The following RP1 variants were observed in gnomAD, a reference collection of about 807,000 sequenced individuals.
The protein encoded by RP1 is RP1 axonemal microtubule associated, also known as oxygen-regulated protein 1.
RP1 carries 16 observed loss-of-function variants against 14.8 expected under a neutral mutation model. The observed-to-expected ratio is 1.08, with a 90% CI of 0.73 to 1.65. The LOEUF is 1.65. RP1 is among the 40% of genes most tolerant of loss of function. The pLI is 0.00. For synonymous variants in RP1, 876 were observed against 883.6 expected (o/e 0.99, Z 0.15); for missense variants, 2,631 against 2,535.0 (o/e 1.04, Z -0.81).
chr8:54,629,812 G>C lies in RP1; in HGVS notation c.5930G>C (p.Arg1977Thr). 3.1e-6 allele frequency: 5 copies of C among 1,612,510 alleles called. No individual in the cohort carries two copies. The highest frequency in any genetic ancestry group is 3.4e-6 in the Non-Finnish European group (4 of 1,179,412). The change falls in exon 4 of 4, where the codon AGA becomes ACA. Residue 1977 changes from arginine (R) to threonine (T), a missense_variant. Arg to Thr is a moderately conservative substitution (Grantham distance 71). Transcript: ENST00000220676. The part of the protein sequence containing the change: ...FREENNKASM[R>T]QNLIDNAIGD... The stretch of plus-strand genomic sequence containing the variant: ...GAAGAGAACAATAAAGCAAGTATGA[G>C]ACAAAATCTTATTGATAATGCCATT...
intron 12 of RP1, among the ~76,000 whole-genome samples, chr8:54,691,074 T>C (rs1346409432): frequency 6.6e-6 from 1 of 152,038 alleles, no homozygotes; most frequent in African/African-American, 2.4e-5. Context: ...GTTTGAGAGA[T>C]AGCCACGAAT....
intron 15 of RP1, among the ~76,000 whole-genome samples, chr8:54,710,544 C>T (rs1447779439): frequency 6.6e-6 from 1 of 152,198 alleles, no homozygotes; most frequent in South Asian, 2.1e-4. Flanking sequence ...TTTTGGCTAC[C>T]CGCACTTGGT....
rs117525475 is a variant in RP1 at position 54,859,467 on chromosome 8, G to A, written c.4069+2361G>A. On this transcript the variant is annotated intron_variant, in intron 27 of 28. Transcript: ENST00000637698. ...ACTGTAGGGTGGTGTCACTGTAGCA[G>A]TGTCACTGTGGAGCGTTGTCACTAT... Among the ~76,000 whole-genome samples the A allele has an allele frequency of 2.2e-3, 339 of 151,936 alleles. 8 individuals are homozygous for A. In the East Asian group the frequency reaches 0.053, roughly 24 times the overall value.
downstream of RP1, among the ~76,000 whole-genome samples, chr8:54,632,073 C>T (rs757537546): frequency 5.3e-5 from 8 of 151,948 alleles, no homozygotes; most frequent in Admixed American, 1.3e-4. Context: ...AACTTCCGAC[C>T]TCAGGTGATC....
intron 20 of RP1, chr8:54,754,946 A>C (rs1294781916): frequency 2.0e-6 from 3 of 1,517,778 alleles, no homozygotes; most frequent in Non-Finnish European, 1.8e-6. Context: ...GTGTGTTTTT[A>C]ATCTTCAGTA....
At chr8:54,559,633 T>A (rs1031683802) in intron 1 of RP1, among the ~76,000 whole-genome samples, 7 of 152,190 alleles carry the variant, frequency 4.6e-5, no homozygotes, top group African/African-American at 1.7e-4. Flanking sequence ...TCACGGCCTG[T>A]ACACGTGGGC....
Position 54,626,376 on chromosome 8 carries a change from G to T in RP1, c.2494G>T (p.Asp832Tyr), listed in dbSNP as rs371471873. ...TAACATCCTTGAGCAAAAACCCAAAGATTTTTATGCACCGCAATCTCAAGC... is the reference window on the plus strand; with the variant it reads ...TAACATCCTTGAGCAAAAACCCAAATATTTTTATGCACCGCAATCTCAAGC... ...VFNILEQKPKDFYAPQSQAEV... is the reference protein window; with the variant it reads ...VFNILEQKPKYFYAPQSQAEV... The change falls in exon 4 of 4, where the codon GAT (aspartate) becomes TAT (tyrosine). Residue 832 changes from aspartate (D) to tyrosine (Y), a missense_variant. Asp to Tyr is a radical substitution (Grantham distance 160). Coordinates refer to ENST00000220676, the MANE Select transcript of RP1 (RefSeq NM_006269.2). The T allele has an allele frequency of 3.1e-6, 5 of 1,613,370 alleles. No homozygotes were observed. The African/African-American group carries it at 4.0e-5, about 13-fold the overall frequency.
At chr8:54,698,235 A>G (rs1807919237) in intron 12 of RP1, among the ~76,000 whole-genome samples, 1 of 152,264 alleles carries the variant, frequency 6.6e-6, no homozygotes, top group African/African-American at 2.4e-5. Flanking sequence ...AAGGATATGA[A>G]CAAACACTTC....
chr8:54,631,065 T>C (rs1806238238), downstream of RP1, among the ~76,000 whole-genome samples: 1 of 152,190 alleles, frequency 6.6e-6, no homozygotes. Flanking sequence ...AATCTATGCC[T>C]CTTGTCTACA....
At chr8:54,769,913 C>A in exon 23 of RP1, 3 of 675,836 alleles carry the variant, frequency 4.4e-6, no homozygotes, top group Non-Finnish European at 7.2e-6. Context: ...TGATATTTAT[C>A]TTTTATTATT....
chr8:54,595,750 C>G (rs917610127), intron 1 of RP1, among the ~76,000 whole-genome samples: 2 of 152,196 alleles, frequency 1.3e-5, no homozygotes, highest in Admixed American at 6.5e-5. Context: ...ATTGACTTGT[C>G]TCTCAAACTT....
At chr8:54,785,524 T>C (rs991184904) in intron 24 of RP1, among the ~76,000 whole-genome samples, 1 of 151,930 alleles carries the variant, frequency 6.6e-6, no homozygotes, top group African/African-American at 2.4e-5. Context: ...TCACTATGTA[T>C]GTATCATTTC....
intron 26 of RP1, among the ~76,000 whole-genome samples, chr8:54,854,293 C>A (rs1167264226): frequency 2.0e-5 from 3 of 152,044 alleles, no homozygotes; most frequent in Non-Finnish European, 4.4e-5. Context: ...TCAATTTGTA[C>A]AAAGAAAGTC....
intron 25 of RP1, among the ~76,000 whole-genome samples, chr8:54,838,848 G>A (rs1811727552): frequency 6.6e-6 from 1 of 152,182 alleles, no homozygotes; most frequent in African/African-American, 2.4e-5. Flanking sequence ...GTGATTGGCT[G>A]TGTCATGCAA....
intron 1 of RP1, among the ~76,000 whole-genome samples, chr8:54,604,688 A>T (rs1805384221): frequency 6.6e-6 from 1 of 152,126 alleles, no homozygotes; most frequent in Non-Finnish European, 1.5e-5. Context: ...TTGGTTGATA[A>T]GCTATTAATT....
At chr8:54,610,763 C>T (rs990766737) in intron 1 of RP1, among the ~76,000 whole-genome samples, 1 of 152,178 alleles carries the variant, frequency 6.6e-6, no homozygotes, top group African/African-American at 2.4e-5. Flanking sequence ...GCTGTCACAT[C>T]CACAGCAGCT....
At chr8:54,847,938 C>T (rs1164860080) in intron 25 of RP1, among the ~76,000 whole-genome samples, 1 of 152,082 alleles carries the variant, frequency 6.6e-6, no homozygotes, top group African/African-American at 2.4e-5. Flanking sequence ...TGCAGGTCTC[C>T]TCTCACTTCT....
rs201493928 is a variant in RP1 at position 54,625,068 on chromosome 8, C to T, written c.1186C>T (p.Arg396Ter). The T allele has an allele frequency of 2.4e-5, 38 of 1,614,080 alleles. No individual in the cohort carries two copies. Among genetic ancestry groups the T allele is most frequent in the African/African-American group, 6.7e-5 (5 of 75,020 alleles). The change falls in exon 4 of 4, where the codon CGA (arginine) becomes TGA (stop). Residue 396 changes from arginine to a stop codon, truncating the protein, a stop_gained. Transcript: ENST00000220676. LOFTEE classifies it low-confidence loss of function (END_TRUNC). ...SFSADVSPMERSSNQEGSLAE... is the reference protein window; with the variant it reads ...SFSADVSPME ...CTCTGCAGATGTGTCACCTATGGAG[C>T]GAAGCAGTAATCAAGAGGGCAGTTT...
intron 24 of RP1, among the ~76,000 whole-genome samples, chr8:54,798,133 C>T (rs1810618721): frequency 6.6e-6 from 1 of 152,082 alleles, no homozygotes; most frequent in South Asian, 2.1e-4. Context: ...CATGCCTCAG[C>T]CTCCTGAGTA....
Sources: gnomAD v4.1 joint callset for allele counts (sites outside exome capture counted in the v4.1 genomes callset) on GRCh38, gnomAD v4.1.1 for gene constraint, MANE v1.5 for transcripts, NCBI Gene and HGNC (gene_info 2026-07-23, HGNC 2026-07-21) for gene names.